JARID2: variants seen among roughly 807,000 people sequenced by gnomAD.
JARID2 encodes jumonji and AT-rich interaction domain containing 2.
A neutral mutation model predicts 125.6 loss-of-function variants in JARID2; 21 were observed. The ratio of observed to expected loss-of-function variants is 0.17; its 90% CI spans 0.12 to 0.24. The LOEUF is 0.24. Ranked by LOEUF, JARID2 falls within the 10% of genes least tolerant of loss-of-function variation. The pLI, the probability that JARID2 is intolerant of heterozygous loss-of-function variation, is 1.00. For synonymous variants in JARID2, 736 were observed against 661.6 expected (o/e 1.11, Z -1.73); for missense variants, 1,303 against 1,639.6 (o/e 0.79, Z 3.55).
Position 15,374,106 on chromosome 6 carries a change from T to C in JARID2, c.46-11T>C, listed in dbSNP as rs763986726. 12 of 1,611,812 alleles carry C rather than the reference T, an allele frequency of 7.4e-6. No homozygotes were observed. The South Asian group carries it at 9.9e-5, about 13-fold the overall frequency. On this transcript the variant is annotated splice_polypyrimidine_tract_variant and intron_variant, in intron 1 of 17. Coordinates refer to ENST00000341776, the MANE Select transcript of JARID2 (RefSeq NM_004973.4). ...ATTCAGTAACTCCTCTCTTTTCTTA[T>C]GTTTCTTCAGGATGACAGTGATGGG...
chr6:15,468,512 G>A (rs1768856345), intron 4 of JARID2, 30 bp from the exon 5 acceptor site: 4 of 1,599,786 alleles, frequency 2.5e-6, no homozygotes, highest in Non-Finnish European at 3.4e-6. Flanking sequence ...CAAGGCCTGT[G>A]TTTATGAGCT....
intron 2 of JARID2, among the ~76,000 whole-genome samples, chr6:15,403,508 G>T (rs1765522457): frequency 6.6e-6 from 1 of 152,074 alleles, no homozygotes. Context: ...TTCCTTTGTA[G>T]CTCAAGGCGT....
intron 2 of JARID2, among the ~76,000 whole-genome samples, chr6:15,407,546 A>G (rs1402271684): frequency 6.6e-6 from 1 of 152,166 alleles, no homozygotes; most frequent in Non-Finnish European, 1.5e-5. Context: ...GTTATGTACC[A>G]AAGGGTATAG....
intron 1 of JARID2, among the ~76,000 whole-genome samples, chr6:15,343,004 C>T (rs986349371): frequency 3.9e-5 from 6 of 151,926 alleles, no homozygotes; most frequent in Non-Finnish European, 5.9e-5. Context: ...GTGTTTTGGG[C>T]GGGTTACCTG....
At chr6:15,498,742 C>T (rs1770583869) in intron 7 of JARID2, among the ~76,000 whole-genome samples, 1 of 152,220 alleles carries the variant, frequency 6.6e-6, no homozygotes. Flanking sequence ...TGCAAGAGTT[C>T]TTGGTTTGTG....
intron 3 of JARID2, among the ~76,000 whole-genome samples, chr6:15,413,002 G>GTTGTTTTTTTT (rs1554133602): frequency 2.1e-5 from 1 of 46,532 alleles, no homozygotes; most frequent in African/African-American, 9.3e-5. Flanking sequence ...AAGAGCTTGT[G>GTTGTTTTTTTT]TTTTTGTTTT....
intron 4 of JARID2, among the ~76,000 whole-genome samples, chr6:15,460,927 A>G (rs1768415667): frequency 6.6e-6 from 1 of 151,624 alleles, no homozygotes; most frequent in Admixed American, 6.6e-5. Flanking sequence ...CTGGTCTTGA[A>G]CTCCTGACCT....
At chr6:15,511,651 C>T (rs1771283822) in intron 13 of JARID2, among the ~76,000 whole-genome samples, 2 of 152,148 alleles carry the variant, frequency 1.3e-5, no homozygotes, top group African/African-American at 4.8e-5. Context: ...GCTGTGGGCC[C>T]TGGGATTTCT....
chr6:15,279,357 T>A (rs1001533366), intron 1 of JARID2, among the ~76,000 whole-genome samples: 7 of 152,218 alleles, frequency 4.6e-5, no homozygotes, highest in African/African-American at 1.7e-4. Flanking sequence ...AGGTGATATG[T>A]ATGCCCACTA....
chr6:15,328,492 A>T (rs1762604398), intron 1 of JARID2, among the ~76,000 whole-genome samples: 1 of 152,214 alleles, frequency 6.6e-6, no homozygotes, highest in South Asian at 2.1e-4. Flanking sequence ...ATTATCATTT[A>T]GTGTCATTGG....
intron 5 of JARID2, among the ~76,000 whole-genome samples, chr6:15,477,504 GTT>G (rs56055395): frequency 0.12 from 16,774 of 137,062 alleles, 1,144 homozygotes; most frequent in Non-Finnish European, 0.16. Flanking sequence ...GGGAGTGTTG[GTT>G]TTTTTTTTTT....
At chr6:15,348,157 T>A (rs1034248180) in intron 1 of JARID2, among the ~76,000 whole-genome samples, 4 of 151,822 alleles carry the variant, frequency 2.6e-5, no homozygotes, top group African/African-American at 4.8e-5. Flanking sequence ...AGTGGTGTGA[T>A]CTCGGCTCAC....
chr6:15,471,476 G>C (rs1220375991), intron 5 of JARID2, among the ~76,000 whole-genome samples: 3 of 152,154 alleles, frequency 2.0e-5, no homozygotes, highest in African/African-American at 7.2e-5. Flanking sequence ...ATAGAAATCT[G>C]TTTCATCAGT....
intron 3 of JARID2, among the ~76,000 whole-genome samples, chr6:15,447,185 A>G (rs1170912207): frequency 6.6e-6 from 1 of 152,162 alleles, no homozygotes; most frequent in African/African-American, 2.4e-5. Context: ...ATGTTGTACC[A>G]TATTGTAAAT....
intron 4 of JARID2, among the ~76,000 whole-genome samples, chr6:15,455,485 T>A (rs1459216961): frequency 2.6e-5 from 4 of 152,110 alleles, no homozygotes; most frequent in Admixed American, 2.0e-4. Context: ...TATCTAACCA[T>A]AATTTGGTAT....
intron 2 of JARID2, chr6:15,401,098 C>T: frequency 7.8e-7 from 1 of 1,288,050 alleles, no homozygotes; most frequent in Admixed American, 2.3e-5. Flanking sequence ...GAGAAATAGG[C>T]CTTTGTGGGT....
intron 3 of JARID2, among the ~76,000 whole-genome samples, chr6:15,441,549 C>A (rs1767445155): frequency 1.3e-5 from 2 of 152,134 alleles, no homozygotes; most frequent in Admixed American, 6.5e-5. Flanking sequence ...AAGAAAATTT[C>A]TGTTAGTGAA....
chr6:15,515,733 A>G (rs1190834009), intron 16 of JARID2, among the ~76,000 whole-genome samples: 3 of 150,018 alleles, frequency 2.0e-5, no homozygotes, highest in Non-Finnish European at 4.4e-5. Flanking sequence ...TGGGTGACAG[A>G]GTGACAACCT....
At chr6:15,350,865 A>G (rs975729615) in intron 1 of JARID2, among the ~76,000 whole-genome samples, 12 of 151,890 alleles carry the variant, frequency 7.9e-5, no homozygotes, top group African/African-American at 2.4e-4. Flanking sequence ...ATAACTCCCA[A>G]ATATTTTTGG....
Sources: allele counts gnomAD v4.1 joint callset (sites outside exome capture counted in the v4.1 genomes callset), GRCh38; gene constraint gnomAD v4.1.1; transcripts MANE v1.5; gene names NCBI Gene and HGNC (gene_info 2026-07-23, HGNC 2026-07-21).